GPC2: variants seen among roughly 807,000 people sequenced by gnomAD.
GPC2 encodes glypican-2.
A neutral mutation model predicts 57.3 loss-of-function variants in GPC2; 42 were observed. The ratio of observed to expected loss-of-function variants is 0.73; its 90% confidence interval spans 0.57 to 0.95. GPC2 has a LOEUF of 0.95. GPC2 is among the 40% of genes least tolerant of loss of function. The pLI, the probability that GPC2 is intolerant of heterozygous loss-of-function variation, is 0.00. For missense variants in GPC2, 745 were observed against 793.6 expected, an observed-to-expected ratio of 0.94 and a Z score of 0.74; for synonymous variants, 364 against 343.4, an observed-to-expected ratio of 1.06 and a Z score of -0.66.
chr7:100,171,115 G>A lies in GPC2; in HGVS notation c.1486+146C>T. 1 of 725,698 alleles carries A rather than the reference G, an allele frequency of 1.4e-6. No homozygotes were observed. The highest frequency in any genetic ancestry group is 2.1e-6 in the Non-Finnish European group (1 of 473,766). The allele number at this position is 725,698 out of a possible 1,614,324, so 45.0% of individuals were successfully genotyped here. A position where few individuals can be genotyped will look rare whatever the true frequency, so the allele number is the denominator to read the frequency against. ...TGATCTGTTACCCCCAGTCTTTCAG[G>A]GCAACGCTCAATAAATGCTCGTTGA... On this transcript the variant is annotated intron_variant, in intron 9 of 9. Transcript: ENST00000292377. This position sits in a 1 kb window ranked among gnomAD's most constrained non-coding sequence, Gnocchi z 4.8.
At chr7:100,176,894 CAGG>C (rs971048287) in intron 1 of GPC2, 137 bp downstream of exon 1, 31 of 640,460 alleles carry the variant, frequency 4.8e-5, no homozygotes, top group African/African-American at 2.1e-4. Context: ...AAGGAAGTTA[CAGG>C]AGGAGAACAG....
chr7:100,173,807 G>A, intron 5 of GPC2, 28 bp downstream of exon 5: 1 of 1,495,902 alleles, frequency 6.7e-7, no homozygotes, highest in Non-Finnish European at 8.9e-7. Flanking sequence ...CACCATGCCT[G>A]GCTCCAGGCT....
intron 5 of GPC2, 108 bp from the exon 6 acceptor site, chr7:100,172,325 G>A: frequency 2.4e-6 from 3 of 1,249,146 alleles, no homozygotes; most frequent in Non-Finnish European, 3.4e-6. Flanking sequence ...AGTGTTTGGG[G>A]GAAACTCACA....
At chr7:100,176,160 C>A (rs770963872) in intron 2 of GPC2, 47 bp downstream of exon 2, 7 of 1,535,314 alleles carry the variant, frequency 4.6e-6, no homozygotes, top group Non-Finnish European at 6.2e-6. Context: ...GGGTCCTAAG[C>A]ACCGAGAGGA....
chr7:100,171,609 C>T lies in GPC2; in HGVS notation c.1240G>A (p.Gly414Arg), dbSNP rs775248085. 59 of 1,532,868 alleles carry T rather than the reference C, an allele frequency of 3.8e-5. No individual in the cohort carries two copies. The highest frequency in any genetic ancestry group is 4.9e-5 in the Non-Finnish European group (56 of 1,152,950). 95.0% of individuals were successfully genotyped at this position (1,532,868 alleles called of 1,614,324 possible). A position where few individuals can be genotyped will look rare whatever the true frequency, so the allele number is the denominator to read the frequency against. The change falls in exon 8 of 10, where the codon GGA (glycine) becomes AGA (arginine). Residue 414 changes from glycine to arginine, a missense_variant. Gly to Arg is a moderately radical substitution (Grantham distance 125). Around this residue, in one of 2 missense-constraint regions of GPC2, gnomAD observed 607 missense variants for 603.9 expected, o/e 1.01. Transcript: ENST00000292377. The surrounding 1 kb of genome is among the most constrained non-coding windows in gnomAD (Gnocchi z 4.8). ...FWARLSLTVCGDSRMAADASL... is the reference protein window; with the variant it reads ...FWARLSLTVCRDSRMAADASL... The stretch of plus-strand genomic sequence containing the variant: ...GCGTCCGCTGCCATGCGAGAGTCTC[C>T]GCACACCGTCAGGGACAGCCGGGCC...
At chr7:100,172,700 T>TGTGTGTGTGTGTATATATATATATAC (rs1185158594) in intron 5 of GPC2, among the ~76,000 whole-genome samples, 90 of 147,070 alleles carry the variant, frequency 6.1e-4, no homozygotes, top group African/African-American at 2.2e-3. Flanking sequence ...TATATATACG[T>TGTGTGTGTGTGTATATATATATATAC]GTATATATAT....
In GPC2 at chr7:100,174,853, G is replaced by A. The variant is rs528946627; in HGVS notation, c.649-88C>T. 3.1e-5 allele frequency: 30 copies of A among 980,490 alleles called. No homozygotes were observed. The South Asian group carries it at 4.3e-4, about 14-fold the overall frequency. 60.7% of individuals were successfully genotyped at this position (980,490 alleles called of 1,614,324 possible). On this transcript the variant is annotated intron_variant, in intron 3 of 9. Coordinates refer to ENST00000292377, the MANE Select transcript of GPC2 (RefSeq NM_152742.3). ...GCCAAGAGACTGCATCAAGAGCAGTGAGGGTTGGGTGTGTGGGGTTCTCTC... is the reference window on the plus strand; with the variant it reads ...GCCAAGAGACTGCATCAAGAGCAGTAAGGGTTGGGTGTGTGGGGTTCTCTC...
intron 1 of GPC2, among the ~76,000 whole-genome samples, chr7:100,176,736 C>G (rs946226291): frequency 1.3e-5 from 2 of 152,086 alleles, no homozygotes; most frequent in Non-Finnish European, 2.9e-5. Flanking sequence ...AAAGTATTCT[C>G]ATAGAAGGGG....
chr7:100,174,590 G>T, intron 4 of GPC2, 95 bp downstream of exon 4: 1 of 896,596 alleles, frequency 1.1e-6, no homozygotes. Context: ...CCCAAGGCCT[G>T]TCCTGCTGGC....
intron 9 of GPC2, 87 bp from the exon 10 acceptor site, chr7:100,170,570 A>C: frequency 2.4e-6 from 3 of 1,258,312 alleles, no homozygotes; most frequent in Non-Finnish European, 3.2e-6. Flanking sequence ...TAAAAACAGA[A>C]AGAGAGAGGA....
chr7:100,171,190 G>T lies in GPC2; in HGVS notation c.1486+71C>A. The T allele has an allele frequency of 1.5e-6, 2 of 1,321,112 alleles. No individual in the cohort carries two copies. The highest frequency in any genetic ancestry group is 1.4e-5 in the South Asian group (1 of 69,276). 81.8% of individuals were successfully genotyped at this position (1,321,112 alleles called of 1,614,324 possible). On this transcript the variant is annotated intron_variant, in intron 9 of 9. Coordinates refer to ENST00000292377, the MANE Select transcript of GPC2 (RefSeq NM_152742.3). This position sits in a 1 kb window ranked among gnomAD's most constrained non-coding sequence, Gnocchi z 4.8. ...ACGCTAAGAGCAGAGGCACGGGCGG[G>T]AACTACCAGGAGAGGGGAGAGGCTT... is the stretch of plus-strand genomic sequence containing the variant.
In GPC2 at chr7:100,177,058, G is replaced by C. The variant is rs771055519; in HGVS notation, c.142C>G (p.Leu48Val). The change falls in exon 1 of 10, where the codon CTA (leucine) becomes GTA (valine). Residue 48 changes from leucine (L) to valine (V), a missense_variant. By Grantham distance (32) the Leu-to-Val change is conservative (BLOSUM62 1). Around this residue, in one of 2 missense-constraint regions of GPC2, gnomAD observed 138 missense variants for 189.8 expected, o/e 0.73. Transcript: ENST00000292377. Reference protein sequence around the residue: ...VLGARGYSLNLIPPALISGEH... With the variant: ...VLGARGYSLNVIPPALISGEH... The stretch of plus-strand genomic sequence containing the variant: ...CCTGAGATCAGGGCGGGAGGGATTA[G>C]GTTTAAGCTATATCCCCGGGCCCCC... 3 of 1,611,056 alleles carry C rather than the reference G, an allele frequency of 1.9e-6. No homozygotes were observed. Among genetic ancestry groups the C allele is most frequent in the Non-Finnish European group, 2.5e-6 (3 of 1,179,098 alleles).
intron 2 of GPC2, 124 bp downstream of exon 2, chr7:100,176,083 G>T (rs1173695975): frequency 2.1e-6 from 2 of 935,534 alleles, no homozygotes; most frequent in East Asian, 2.6e-5. Context: ...AGTCTGGGGG[G>T]TGGGCGGGCT....
At chr7:100,172,693 A>ATATACGTGTATATAT (rs1452881284) in intron 5 of GPC2, among the ~76,000 whole-genome samples, 1 of 147,396 alleles carries the variant, frequency 6.8e-6, no homozygotes, top group Admixed American at 6.8e-5. Context: ...GTGTATATAT[A>ATATACGTGTATATAT]TATACGTGTA....
In GPC2 at chr7:100,171,093, T is replaced by A. The variant is rs556041440; in HGVS notation, c.1486+168A>T. On this transcript the variant is annotated intron_variant, in intron 9 of 9. Coordinates refer to ENST00000292377, the MANE Select transcript of GPC2 (RefSeq NM_152742.3). This position sits in a 1 kb window ranked among gnomAD's most constrained non-coding sequence, Gnocchi z 4.8. ...GAAAGGATACAGACCCCCTCATTGA[T>A]CTGTTACCCCCAGTCTTTCAGGGCA... 8.4e-4 allele frequency: 493 copies of A among 587,912 alleles called. 1 individual carries two copies. Among genetic ancestry groups the A allele is most frequent in the Non-Finnish European group, 5.5e-4 (196 of 356,354 alleles). 36.4% of individuals were successfully genotyped at this position (587,912 alleles called of 1,614,324 possible).
chr7:100,170,368 A>G lies in GPC2; in HGVS notation c.1602T>C (p.Gly534=), dbSNP rs1389076344. 1.2e-6 allele frequency: 2 copies of G among 1,613,158 alleles called. No homozygotes were observed. Among genetic ancestry groups the G allele is most frequent in the East Asian group, 2.2e-5 (1 of 44,854 alleles). ...TGCCACCTCCTCCTTTGCCCCCAGA[A>G]CCATCCCTTCTAGGAGGGTATGGAG... ...PRPPYPPRRD[G]SGGKGGGGSA... Residue 534 remains glycine (G), a synonymous_variant, in exon 10 of 10, where the codon GGT becomes GGC. Transcript: ENST00000292377.
Position 100,174,717 on chromosome 7 carries a change from T to C in GPC2, c.697A>G (p.Thr233Ala). The change falls in exon 4 of 10, where the codon ACT becomes GCT. Residue 233 changes from threonine to alanine, a missense_variant. This residue lies in a region of GPC2 where 607 missense variants were observed against 603.9 expected (regional missense o/e 1.01). Coordinates refer to ENST00000292377, the MANE Select transcript of GPC2 (RefSeq NM_152742.3). ...GCTTCGCTGACCACATTTCTTCCAG[T>C]CTCCAGGCCCTGCACAAAGGCTCGG... ...AARAFVQGLETGRNVVSEALK... is the reference protein window; with the variant it reads ...AARAFVQGLEAGRNVVSEALK... The C allele has an allele frequency of 6.2e-7, 1 of 1,613,986 alleles. No individual in the cohort carries two copies. The highest frequency in any genetic ancestry group is 8.5e-7 in the Non-Finnish European group (1 of 1,179,960).
chr7:100,172,647 A>ATGTGTTTGTG (rs753998496), intron 5 of GPC2, among the ~76,000 whole-genome samples: 1 of 131,250 alleles, frequency 7.6e-6, no homozygotes, highest in Non-Finnish European at 1.6e-5. Context: ...GTATATATAT[A>ATGTGTTTGTG]TATGTGTGTG....
chr7:100,170,416 A>T lies in GPC2; in HGVS notation c.1554T>A (p.Ala518=). 1 of 1,609,206 alleles carries T rather than the reference A, an allele frequency of 6.2e-7. No individual in the cohort carries two copies. Among genetic ancestry groups the T allele is most frequent in the Non-Finnish European group, 8.5e-7 (1 of 1,177,278 alleles). The change falls in exon 10 of 10, where the codon GCT becomes GCA. Residue 518 remains alanine, a synonymous_variant. Transcript: ENST00000292377. ...GAGGCCGAGGAGGCCGGGCTGGGGG[A>T]GCCACAGCCCCAGCCATCCAGTCAT... ...YADDWMAGAV[A]PPARPPRPPY...
Sources: allele counts gnomAD v4.1 joint callset (sites outside exome capture counted in the v4.1 genomes callset), GRCh38; gene constraint gnomAD v4.1.1; regional missense constraint gnomAD v4.1.1; non-coding constraint Gnocchi (gnomAD v3.1); transcripts MANE v1.5; gene names NCBI Gene and HGNC (gene_info 2026-07-23, HGNC 2026-07-21).